The following SGCZ variants were observed in gnomAD, a reference collection of about 807,000 sequenced individuals.
The protein encoded by SGCZ is sarcoglycan zeta, also known as zeta-sarcoglycan.
A neutral mutation model predicts 41.3 loss-of-function variants in SGCZ; 40 were observed. The observed-to-expected ratio is 0.97, with a 90% CI of 0.75 to 1.26. The LOEUF (loss-of-function observed/expected upper bound fraction) is 1.26. Ranked by LOEUF, SGCZ falls within the 50% of genes most tolerant of loss-of-function variation. SGCZ has a pLI of 0.00. For synonymous variants in SGCZ, 206 were observed against 137.5 expected, an observed-to-expected ratio of 1.50 and a Z score of -3.49; for missense variants, 552 against 369.8, an observed-to-expected ratio of 1.49 and a Z score of -4.04.
chr8:14,735,837 G>A (rs976161241), intron 1 of SGCZ, among the ~76,000 whole-genome samples: 1 of 151,958 alleles, frequency 6.6e-6, no homozygotes. Flanking sequence ...GTGCTATTAG[G>A]GAGGCCTTGC....
At chr8:14,180,021 T>C (rs1303908631) in intron 4 of SGCZ, among the ~76,000 whole-genome samples, 5 of 152,136 alleles carry the variant, frequency 3.3e-5, no homozygotes, top group Admixed American at 3.3e-4. Flanking sequence ...GCCAAAGGGA[T>C]ATATTGCGAT....
chr8:14,431,360 G>C (rs73188350), intron 2 of SGCZ, among the ~76,000 whole-genome samples: 1 of 152,072 alleles, frequency 6.6e-6, no homozygotes, highest in Non-Finnish European at 1.5e-5. Context: ...CAAAGGAACA[G>C]AATGGAGAAC....
At chr8:14,096,254 C>T (rs566568370) in intron 7 of SGCZ, among the ~76,000 whole-genome samples, 4 of 152,144 alleles carry the variant, frequency 2.6e-5, no homozygotes, top group Admixed American at 2.6e-4. Flanking sequence ...ATAAATTGCT[C>T]ATATTATTTT....
At chr8:15,124,504 G>A (rs1807604616) in intron 1 of SGCZ, among the ~76,000 whole-genome samples, 1 of 152,126 alleles carries the variant, frequency 6.6e-6, no homozygotes, top group Non-Finnish European at 1.5e-5. Context: ...TTCCAGCCAT[G>A]AACAGTCATG....
chr8:14,963,675 G>A (rs1198756416), intron 1 of SGCZ, among the ~76,000 whole-genome samples: 2 of 152,114 alleles, frequency 1.3e-5, no homozygotes, highest in African/African-American at 2.4e-5. Flanking sequence ...TTTTCAAATA[G>A]TATTGTTTTG....
At chr8:14,863,175 A>G (rs1803812523) in intron 1 of SGCZ, among the ~76,000 whole-genome samples, 1 of 152,086 alleles carries the variant, frequency 6.6e-6, no homozygotes, top group African/African-American at 2.4e-5. Flanking sequence ...CCTTATACCA[A>G]ACTCTTAATC....
intron 1 of SGCZ, among the ~76,000 whole-genome samples, chr8:14,637,201 T>C (rs145439430): frequency 6.9e-4 from 105 of 151,932 alleles, no homozygotes; most frequent in African/African-American, 2.4e-3. Flanking sequence ...CTCTGCTGAG[T>C]TAGATTTATT....
rs759344326 is a variant in SGCZ, at chr8:14,324,146, T to A, written c.293A>T (p.Glu98Val). Reference sequence around the variant, plus strand: ...TTTCACATACAATGGAAGTAGAAACTCAGATATACCTTCAAGTCGGATTCC... The same window carrying A: ...TTTCACATACAATGGAAGTAGAAACACAGATATACCTTCAAGTCGGATTCC... ...KKGIRLEGISEFLLPLYVKEI... is the reference protein window; with the variant it reads ...KKGIRLEGISVFLLPLYVKEI... The change falls in exon 3 of 8, where the codon GAG becomes GTG. Residue 98 changes from glutamate (E) to valine (V), a missense_variant. By Grantham distance (121) the Glu-to-Val change is moderately radical. Transcript: ENST00000382080. The A allele has an allele frequency of 1.9e-6, 3 of 1,613,114 alleles. No homozygotes were observed. The South Asian group carries it at 3.3e-5, about 18-fold the overall frequency.
chr8:14,134,880 C>T (rs1408665279), intron 5 of SGCZ, among the ~76,000 whole-genome samples: 1 of 152,028 alleles, frequency 6.6e-6, no homozygotes, highest in Non-Finnish European at 1.5e-5. Context: ...TTTTTAAAAA[C>T]ATGACAGATA....
At chr8:14,215,553 A>G (rs1021915978) in intron 4 of SGCZ, among the ~76,000 whole-genome samples, 2 of 152,036 alleles carry the variant, frequency 1.3e-5, no homozygotes, top group Admixed American at 1.3e-4. Context: ...AAAAATCAAT[A>G]AATACAAAAG....
At chr8:14,940,648 CAGG>C (rs1800242233) in intron 1 of SGCZ, among the ~76,000 whole-genome samples, 1 of 151,386 alleles carries the variant, frequency 6.6e-6, no homozygotes, top group South Asian at 2.1e-4. Flanking sequence ...CACTGGAGGC[CAGG>C]AGATCTTTTT....
rs560560082 is a variant in SGCZ at position 15,036,241 on chromosome 8, C to G, written c.39+201344G>C. On this transcript the variant is annotated intron_variant, in intron 1 of 7. Coordinates refer to ENST00000382080, the MANE Select transcript of SGCZ (RefSeq NM_139167.4). ...ATTGGATAACCTAGAAGAAATATGT[C>G]TAAGAAATAAGTTCTTAGACACATA... Among the ~76,000 whole-genome samples the G allele has an allele frequency of 7.9e-5, 12 of 152,122 alleles. No homozygotes were observed. In the East Asian group the frequency reaches 2.1e-3, roughly 27 times the overall value.
chr8:14,455,235 T>C (rs1477161786), intron 2 of SGCZ, among the ~76,000 whole-genome samples: 2 of 152,110 alleles, frequency 1.3e-5, no homozygotes, highest in Non-Finnish European at 2.9e-5. Flanking sequence ...AGACAATTTA[T>C]AAATTAATAT....
At chr8:15,156,533 C>T (rs995167034) in intron 1 of SGCZ, among the ~76,000 whole-genome samples, 11 of 152,186 alleles carry the variant, frequency 7.2e-5, no homozygotes, top group Admixed American at 6.5e-5. Context: ...TTTTCACTAA[C>T]TTTCTTTCAC....
intron 1 of SGCZ, among the ~76,000 whole-genome samples, chr8:14,958,767 C>T (rs1228442023): frequency 6.6e-6 from 1 of 151,868 alleles, no homozygotes; most frequent in African/African-American, 2.4e-5. Flanking sequence ...ATGTTGCATG[C>T]TTAAATATTT....
At chr8:15,058,431 A>G (rs1335076151) in intron 1 of SGCZ, among the ~76,000 whole-genome samples, 2 of 152,162 alleles carry the variant, frequency 1.3e-5, no homozygotes, top group East Asian at 1.9e-4. Flanking sequence ...ACCAAGGTGA[A>G]TATACTACTC....
intron 2 of SGCZ, among the ~76,000 whole-genome samples, chr8:14,395,555 A>G (rs73219736): frequency 0.099 from 15,003 of 152,234 alleles, 989 homozygotes; most frequent in South Asian, 0.15. Flanking sequence ...GCTACTCTAA[A>G]CAAGAAAGAA....
chr8:14,685,411 T>C (rs144868748), intron 1 of SGCZ, among the ~76,000 whole-genome samples: 2,536 of 152,182 alleles, frequency 0.017, 44 homozygotes, highest in South Asian at 0.084. Flanking sequence ...AAAATGAAAA[T>C]GGTTAATTTT....
chr8:14,085,072 G>T lies in SGCZ; in HGVS notation c.*5371C>A, dbSNP rs1009179496. ...CCAATTAAGTTCCATCTAAACAAAA[G>T]ATACAATAGACTGATTTTTGAATAG... On this transcript the variant is annotated 3_prime_UTR_variant, in exon 8 of 8. Transcript: ENST00000382080. 6.6e-6 allele frequency among the ~76,000 whole-genome samples: 1 copy of T among 151,628 alleles called. No homozygotes were observed. Among genetic ancestry groups the T allele is most frequent in the African/African-American group, 2.4e-5 (1 of 41,340 alleles).
Sources: gnomAD v4.1 joint callset for allele counts (sites outside exome capture counted in the v4.1 genomes callset) on GRCh38, gnomAD v4.1.1 for gene constraint, MANE v1.5 for transcripts, NCBI Gene and HGNC (gene_info 2026-07-23, HGNC 2026-07-21) for gene names.